Variants in INVS observed in about 807,000 individuals in gnomAD.
The protein encoded by INVS is inversion of embryo turning homolog.
A neutral mutation model predicts 108.8 loss-of-function variants in INVS; 86 were observed. The observed-to-expected ratio is 0.79, with a 90% CI of 0.66 to 0.95. The LOEUF (loss-of-function observed/expected upper bound fraction) is 0.95. Ranked by LOEUF, INVS falls within the 40% of genes least tolerant of loss-of-function variation. The pLI is 0.00. For synonymous variants in INVS, 455 were observed against 473.5 expected (o/e 0.96, Z 0.51); for missense variants, 1,169 against 1,297.4 (o/e 0.90, Z 1.52).
chr9:100,294,026 C>T (rs1054268921), intron 14 of INVS, among the ~76,000 whole-genome samples: 6 of 152,134 alleles, frequency 3.9e-5, no homozygotes, highest in African/African-American at 1.2e-4. Context: ...CAATTACCTA[C>T]GCATGGTGGC....
Position 100,300,609 on chromosome 9 carries a change from A to G in INVS, c.3133A>G (p.Arg1045Gly). Residue 1045 changes from arginine to glycine, a missense_variant, in exon 17 of 17, where the codon AGA becomes GGA. Around this residue, in one of 3 missense-constraint regions of INVS, gnomAD observed 533 missense variants for 536.0 expected, o/e 0.99. Transcript: ENST00000262457. Reference sequence around the variant, plus strand: ...TATACATCTCCTTGAGAACAGTGGAAGATCAAAGAACTTTTCTTATAACCT... The same window carrying G: ...TATACATCTCCTTGAGAACAGTGGAGGATCAAAGAACTTTTCTTATAACCT... ...QCIHLLENSGRSKNFSYNLQS... is the reference protein window; with the variant it reads ...QCIHLLENSGGSKNFSYNLQS... 1.2e-6 allele frequency: 2 copies of G among 1,613,950 alleles called. No individual in the cohort carries two copies. Among genetic ancestry groups the G allele is most frequent in the South Asian group, 1.1e-5 (1 of 91,074 alleles).
chr9:100,236,548 T>C (rs1246397761), intron 5 of INVS, among the ~76,000 whole-genome samples: 3 of 152,166 alleles, frequency 2.0e-5, no homozygotes, highest in Non-Finnish European at 2.9e-5. Flanking sequence ...TTTGTGTGGG[T>C]GTCCTTTTTG....
intron 3 of INVS, among the ~76,000 whole-genome samples, chr9:100,179,787 G>A (rs1378321802): frequency 6.6e-6 from 1 of 152,118 alleles, no homozygotes; most frequent in Non-Finnish European, 1.5e-5. Flanking sequence ...TCTGGACCAA[G>A]GAGACCTAAT....
At chr9:100,258,603 A>C (rs1323433482) in intron 10 of INVS, among the ~76,000 whole-genome samples, 1 of 152,094 alleles carries the variant, frequency 6.6e-6, no homozygotes, top group Non-Finnish European at 1.5e-5. Context: ...TTTGGTGTGG[A>C]TGTCCTTTCT....
At chr9:100,286,911 T>G (rs988107348) in intron 13 of INVS, among the ~76,000 whole-genome samples, 3 of 152,254 alleles carry the variant, frequency 2.0e-5, no homozygotes, top group Admixed American at 2.0e-4. Flanking sequence ...CTGTTATTAC[T>G]GGTTTACTTG....
chr9:100,292,673 G>C lies in INVS; in HGVS notation c.2416G>C (p.Ala806Pro). The C allele has an allele frequency of 6.2e-7, 1 of 1,614,150 alleles. No individual in the cohort carries two copies. The highest frequency in any genetic ancestry group is 8.5e-7 in the Non-Finnish European group (1 of 1,180,022). The part of the protein sequence containing the change: ...QELRGGRCSP[A>P]GSSRPGSARG... ...GCTCAGAGGAGGAAGGTGCTCTCCGGCTGGTTCTAGCCGCCCTGGCAGTGC... is the reference window on the plus strand; with the variant it reads ...GCTCAGAGGAGGAAGGTGCTCTCCGCCTGGTTCTAGCCGCCCTGGCAGTGC... The change falls in exon 14 of 17, where the codon GCT becomes CCT. Residue 806 changes from alanine to proline, a missense_variant. By Grantham distance (27) the Ala-to-Pro change is conservative (BLOSUM62 -1). Coordinates refer to ENST00000262457, the MANE Select transcript of INVS (RefSeq NM_014425.5).
At chr9:100,260,605 TTA>T (rs1447119255) in intron 10 of INVS, among the ~76,000 whole-genome samples, 1 of 152,222 alleles carries the variant, frequency 6.6e-6, no homozygotes, top group Non-Finnish European at 1.5e-5. Context: ...TCCAAGAACT[TTA>T]TGTTTAATAG....
intron 2 of INVS, among the ~76,000 whole-genome samples, chr9:100,116,077 G>A (rs1485428411): frequency 2.0e-5 from 3 of 150,546 alleles, no homozygotes; most frequent in African/African-American, 4.9e-5. Context: ...TGTGTCTGTT[G>A]GCTTTTAATT....
intron 13 of INVS, among the ~76,000 whole-genome samples, chr9:100,289,480 A>G (rs138949540): frequency 2.0e-5 from 3 of 152,362 alleles, no homozygotes. Context: ...GTGGCTTAAA[A>G]CAACAGAAGT....
chr9:100,271,640 G>A (rs2118662435), intron 11 of INVS, among the ~76,000 whole-genome samples: 1 of 152,292 alleles, frequency 6.6e-6, no homozygotes, highest in Non-Finnish European at 1.5e-5. Flanking sequence ...AGTGCAGTGT[G>A]TTACTAACTT....
intron 3 of INVS, among the ~76,000 whole-genome samples, chr9:100,135,142 G>A (rs1828182209): frequency 6.6e-6 from 1 of 152,140 alleles, no homozygotes; most frequent in Non-Finnish European, 1.5e-5. Context: ...TACTGTATAT[G>A]TTATATTCTC....
At position 100,175,360 on chromosome 9, in the gene INVS, G is replaced by A. The variant is rs112872718; in HGVS notation, c.273+48811G>A. 9.1e-6 allele frequency: 7 copies of A among 766,294 alleles called. No homozygotes were observed. In the African/African-American group the frequency reaches 1.0e-4, roughly 11 times the overall value. The allele number at this position is 766,294 out of a possible 1,614,324, so 47.5% of individuals were successfully genotyped here. On this transcript the variant is annotated intron_variant, in intron 3 of 16. Transcript: ENST00000262457. Reference sequence around the variant, plus strand: ...TCTAATTCTTTCACGAGTCCCAAAGGCAGACAACTCACTTCTGCAGAGAAG... The same window carrying A: ...TCTAATTCTTTCACGAGTCCCAAAGACAGACAACTCACTTCTGCAGAGAAG...
chr9:100,154,454 G>C (rs1488422354), intron 3 of INVS, among the ~76,000 whole-genome samples: 1 of 146,552 alleles, frequency 6.8e-6, no homozygotes, highest in African/African-American at 2.5e-5. Flanking sequence ...TGGGATTACA[G>C]GTGTGTCCAC....
intron 3 of INVS, among the ~76,000 whole-genome samples, chr9:100,161,388 A>AAAAAC (rs1829181895): frequency 1.2e-4 from 17 of 139,044 alleles, no homozygotes; most frequent in African/African-American, 5.0e-4. Context: ...AAAAAAAAAA[A>AAAAAC]AAAACCTCAT....
chr9:100,227,991 C>CTTTTTTTT (rs33912012), intron 4 of INVS, among the ~76,000 whole-genome samples: 3 of 133,426 alleles, frequency 2.2e-5, no homozygotes, highest in Non-Finnish European at 3.1e-5. Flanking sequence ...TTCTTTCTTT[C>CTTTTTTTT]TTTTTTTTTT....
intron 12 of INVS, among the ~76,000 whole-genome samples, chr9:100,278,114 G>A (rs190536083): frequency 1.5e-4 from 22 of 150,750 alleles, no homozygotes; most frequent in African/African-American, 5.4e-4. Context: ...GCTTATACCT[G>A]TAGTCCCAGC....
intron 16 of INVS, among the ~76,000 whole-genome samples, chr9:100,299,103 G>A (rs1220852392): frequency 6.6e-6 from 1 of 152,126 alleles, no homozygotes; most frequent in East Asian, 1.9e-4. Flanking sequence ...TTAGTTAAGA[G>A]ACTCAGAAGG....
rs1357620784 is a variant in INVS, at chr9:100,161,372, A to AC, written c.273+34823_273+34824insC. 8.7e-3 allele frequency among the ~76,000 whole-genome samples: 1,300 copies of AC among 149,084 alleles called. 50 individuals carry two copies. The highest frequency in any genetic ancestry group is 0.031 in the African/African-American group (1,257 of 40,104). On this transcript the variant is annotated intron_variant, in intron 3 of 16. Transcript: ENST00000262457. Reference sequence around the variant, plus strand: ...GAGCAAGACTTCCATCTCAAAAAAAAAAAAAAAAAAAAAAAAAAAACCTCA... The same window carrying AC: ...GAGCAAGACTTCCATCTCAAAAAAAACAAAAAAAAAAAAAAAAAAAACCTCA...
chr9:100,273,322 C>G (rs930785885), intron 12 of INVS, among the ~76,000 whole-genome samples: 26 of 151,942 alleles, frequency 1.7e-4, no homozygotes, highest in Non-Finnish European at 4.4e-5. Context: ...TGTTTCAGCC[C>G]AGGGACAAAC....
Sources: gnomAD v4.1 joint callset for allele counts (sites outside exome capture counted in the v4.1 genomes callset) on GRCh38, gnomAD v4.1.1 for gene constraint, gnomAD v4.1.1 regional missense constraint, MANE v1.5 for transcripts, NCBI Gene and HGNC (gene_info 2026-07-23, HGNC 2026-07-21) for gene names.